The following TBC1D5 variants were observed in gnomAD, a reference collection of about 807,000 sequenced individuals.
TBC1D5 encodes TBC1 domain family member 5.
Under a neutral mutation model 100.3 loss-of-function variants are expected in TBC1D5, and 75 were observed. The observed-to-expected ratio is 0.75, with a 90% CI of 0.62 to 0.91. The LOEUF (loss-of-function observed/expected upper bound fraction) is 0.91. Ranked by LOEUF, TBC1D5 falls within the 40% of genes least tolerant of loss-of-function variation. The pLI is 0.00. For missense variants in TBC1D5, 910 were observed against 942.4 expected (o/e 0.97, Z 0.45); for synonymous variants, 323 against 325.6 (o/e 0.99, Z 0.09).
intron 13 of TBC1D5, among the ~76,000 whole-genome samples, chr3:17,333,629 A>G (rs534811636): frequency 6.6e-6 from 1 of 152,292 alleles, no homozygotes; most frequent in Non-Finnish European, 1.5e-5. Flanking sequence ...GAGCAGAGAG[A>G]TGCAGGAAGC....
intron 13 of TBC1D5, among the ~76,000 whole-genome samples, chr3:17,365,577 G>A (rs1165340030): frequency 6.6e-6 from 1 of 152,176 alleles, no homozygotes; most frequent in East Asian, 1.9e-4. Flanking sequence ...TTTGCTGGGG[G>A]CACATCCTGT....
chr3:17,612,357 G>C (rs573972926), intron 2 of TBC1D5, among the ~76,000 whole-genome samples: 9 of 151,156 alleles, frequency 6.0e-5, no homozygotes, highest in African/African-American at 1.9e-4. Context: ...GGCTAGGCGC[G>C]GTGGCTCATA....
chr3:17,240,380 T>C (rs1438379719), intron 16 of TBC1D5, among the ~76,000 whole-genome samples: 2 of 152,206 alleles, frequency 1.3e-5, no homozygotes, highest in African/African-American at 4.8e-5. Context: ...AACTGAGCTA[T>C]GTAAATGTCC....
intron 8 of TBC1D5, among the ~76,000 whole-genome samples, chr3:17,389,014 C>A (rs1275448223): frequency 1.3e-5 from 2 of 152,068 alleles, no homozygotes; most frequent in East Asian, 3.9e-4. Context: ...GTTCAAGAAC[C>A]AAGAAATATT....
chr3:17,738,561 G>T (rs781298598), intron 1 of TBC1D5, among the ~76,000 whole-genome samples: 3 of 152,118 alleles, frequency 2.0e-5, no homozygotes, highest in Non-Finnish European at 2.9e-5. Context: ...ATTATTAATA[G>T]CTGAAAATAC....
Position 17,415,379 on chromosome 3 carries a change from C to G in TBC1D5, c.168-8853G>C, listed in dbSNP as rs564457744. ...GTTTCACTGTGTTAGCCAGGATGGTCTCGATCTCCTGACCTCATGATCTGC... is the reference window on the plus strand; with the variant it reads ...GTTTCACTGTGTTAGCCAGGATGGTGTCGATCTCCTGACCTCATGATCTGC... On this transcript the variant is annotated intron_variant, in intron 4 of 21. Transcript: ENST00000253692. Among the ~76,000 whole-genome samples the G allele has an allele frequency of 3.4e-3, 518 of 152,136 alleles. 3 individuals carry two copies. The highest frequency in any genetic ancestry group is 3.4e-3 in the Middle Eastern group (1 of 294).
At chr3:17,681,389 A>G (rs1278875134) in intron 1 of TBC1D5, among the ~76,000 whole-genome samples, 1 of 151,642 alleles carries the variant, frequency 6.6e-6, no homozygotes, top group African/African-American at 2.4e-5. Context: ...CACAAAAACT[A>G]CAAATTAAAA....
chr3:17,687,942 G>A (rs1048536196), intron 1 of TBC1D5, among the ~76,000 whole-genome samples: 1 of 152,132 alleles, frequency 6.6e-6, no homozygotes, highest in Admixed American at 6.6e-5. Context: ...TAGGCAGACT[G>A]CAGTAAAAGT....
intron 13 of TBC1D5, among the ~76,000 whole-genome samples, chr3:17,346,106 G>T (rs1003012160): frequency 3.3e-5 from 5 of 151,900 alleles, no homozygotes; most frequent in Non-Finnish European, 7.4e-5. Flanking sequence ...TAATACTATT[G>T]CCAAAAAATC....
intron 2 of TBC1D5, among the ~76,000 whole-genome samples, chr3:17,540,905 C>CAAAAA (rs71634807): frequency 6.4e-5 from 2 of 31,462 alleles, no homozygotes; most frequent in African/African-American, 1.8e-4. Context: ...GGCTCCATCT[C>CAAAAA]AAAAAAAAAA....
chr3:17,724,697 G>A (rs2153973026), intron 1 of TBC1D5, among the ~76,000 whole-genome samples: 1 of 152,138 alleles, frequency 6.6e-6, no homozygotes, highest in South Asian at 2.1e-4. Context: ...ATCAAATATT[G>A]TCTATTCCTT....
At chr3:17,455,688 A>T (rs2095068503) in intron 3 of TBC1D5, among the ~76,000 whole-genome samples, 3 of 151,948 alleles carry the variant, frequency 2.0e-5, no homozygotes, top group African/African-American at 7.2e-5. Context: ...AATTACAAAA[A>T]AATTAACCAG....
intron 18 of TBC1D5, among the ~76,000 whole-genome samples, chr3:17,198,408 A>G (rs1412287151): frequency 1.3e-5 from 2 of 152,256 alleles, no homozygotes; most frequent in Non-Finnish European, 2.9e-5. Context: ...GGGTTGCCAT[A>G]TTTAGAAATA....
At chr3:17,363,082 T>C (rs536997922) in intron 13 of TBC1D5, among the ~76,000 whole-genome samples, 1 of 152,338 alleles carries the variant, frequency 6.6e-6, no homozygotes, top group South Asian at 2.1e-4. Context: ...TCAATTATAT[T>C]AGTTTTAACT....
chr3:17,337,132 T>G (rs1000161329), intron 13 of TBC1D5, among the ~76,000 whole-genome samples: 6 of 150,580 alleles, frequency 4.0e-5, no homozygotes, highest in Admixed American at 6.6e-5. Context: ...GGTTTTTTTT[T>G]TTTTTTTTTT....
rs114289620 is a variant in TBC1D5, at chr3:17,214,582, G to C, written c.1589-212C>G. The stretch of plus-strand genomic sequence containing the variant: ...AACAGTGAAGGTATCTACCACTATA[G>C]TTTTCTATGTTTTTTATACTATGAT... On this transcript the variant is annotated intron_variant, in intron 17 of 21. Transcript: ENST00000253692. Among the ~76,000 whole-genome samples, 1,386 of 150,328 alleles carry C rather than the reference G, an allele frequency of 9.2e-3. 23 individuals carry two copies. The highest frequency in any genetic ancestry group is 0.032 in the African/African-American group (1,293 of 40,856).
chr3:17,692,162 G>A (rs116544927), intron 1 of TBC1D5, among the ~76,000 whole-genome samples: 3,024 of 152,170 alleles, frequency 0.02, 88 homozygotes, highest in African/African-American at 0.067. Context: ...GAGCAATCTC[G>A]GATCACTGCA....
intron 3 of TBC1D5, among the ~76,000 whole-genome samples, chr3:17,431,817 T>C (rs1298488068): frequency 6.6e-6 from 1 of 152,110 alleles, no homozygotes; most frequent in Admixed American, 6.5e-5. Context: ...CAAAACAGAA[T>C]GAATGGAATT....
intron 15 of TBC1D5, among the ~76,000 whole-genome samples, chr3:17,274,414 T>C (rs2079760000): frequency 6.6e-6 from 1 of 152,238 alleles, no homozygotes; most frequent in East Asian, 1.9e-4. Context: ...AATAAGATGT[T>C]ATTAATTAAG....
Sources: allele counts gnomAD v4.1 joint callset (sites outside exome capture counted in the v4.1 genomes callset), GRCh38; gene constraint gnomAD v4.1.1; transcripts MANE v1.5; gene names NCBI Gene and HGNC (gene_info 2026-07-23, HGNC 2026-07-21).